The following GAN variants were observed in gnomAD, a reference collection of about 807,000 sequenced individuals.
GAN encodes the protein gigaxonin.
In GAN, 48 loss-of-function variants were observed where a neutral mutation model predicts 71.3. The ratio of observed to expected loss-of-function variants is 0.67; its 90% CI spans 0.53 to 0.86. The LOEUF is 0.86. Among genes scored for constraint, GAN ranks in the 40% least tolerant of loss-of-function variants. The probability of loss-of-function intolerance (pLI) is 0.00; values close to 1 mark genes in which losing one functional copy is unlikely to be tolerated. For missense variants in GAN, 928 were observed against 770.1 expected, an observed-to-expected ratio of 1.21 and a Z score of -2.43; for synonymous variants, 386 against 276.8, an observed-to-expected ratio of 1.39 and a Z score of -3.92.
intron 9 of GAN, among the ~76,000 whole-genome samples, chr16:81,375,021 C>CA (rs1904276517): frequency 6.6e-6 from 1 of 151,992 alleles, no homozygotes; most frequent in Non-Finnish European, 1.5e-5. Flanking sequence ...CAGAAGAGAG[C>CA]ATAGGAGAAA....
At chr16:81,334,816 G>A (rs1221918502) in intron 1 of GAN, among the ~76,000 whole-genome samples, 1 of 152,208 alleles carries the variant, frequency 6.6e-6, no homozygotes, top group Non-Finnish European at 1.5e-5. Context: ...CATGAGAATA[G>A]TCACCAACAT....
intron 9 of GAN, among the ~76,000 whole-genome samples, chr16:81,373,799 A>G (rs1475563048): frequency 2.0e-5 from 3 of 152,200 alleles, no homozygotes; most frequent in African/African-American, 4.8e-5. Context: ...CTGGAGTGCA[A>G]TGGCGCGATC....
chr16:81,329,617 A>G (rs572739851), intron 1 of GAN, among the ~76,000 whole-genome samples: 1 of 152,288 alleles, frequency 6.6e-6, no homozygotes, highest in African/African-American at 2.4e-5. Context: ...TGAAAACTTA[A>G]GTGTTTATCT....
At chr16:81,341,653 C>G (rs1451273045) in intron 1 of GAN, among the ~76,000 whole-genome samples, 2 of 152,204 alleles carry the variant, frequency 1.3e-5, no homozygotes, top group Non-Finnish European at 2.9e-5. Flanking sequence ...TGGATAGGAA[C>G]AACCGGTACC....
chr16:81,330,715 G>A (rs760168353), intron 1 of GAN, among the ~76,000 whole-genome samples: 1 of 152,206 alleles, frequency 6.6e-6, no homozygotes, highest in African/African-American at 2.4e-5. Flanking sequence ...AGGTATTTAT[G>A]TATTCCCAAA....
At chr16:81,376,279 G>C (rs887821232) in intron 9 of GAN, among the ~76,000 whole-genome samples, 2 of 151,834 alleles carry the variant, frequency 1.3e-5, no homozygotes, top group African/African-American at 4.8e-5. Flanking sequence ...GTTCCTGACA[G>C]CCTTATTCAT....
chr16:81,362,700 C>T (rs1292345545), intron 6 of GAN, 89 bp downstream of exon 6: 10 of 805,954 alleles, frequency 1.2e-5, no homozygotes, highest in Admixed American at 5.4e-5. Flanking sequence ...AGGGAAGAAA[C>T]GGCAGCCTTG....
chr16:81,365,289 G>A (rs888624884), intron 8 of GAN, 61 bp from the exon 9 acceptor site: 74 of 1,610,322 alleles, frequency 4.6e-5, no homozygotes, highest in Admixed American at 4.2e-4. Flanking sequence ...TAAGAGGAAC[G>A]CGGGAGTGAG....
intron 1 of GAN, among the ~76,000 whole-genome samples, chr16:81,327,293 G>A (rs1909422260): frequency 6.6e-6 from 1 of 152,146 alleles, no homozygotes; most frequent in African/African-American, 2.4e-5. Context: ...TTATAGCAGT[G>A]GATTATAAAT....
intron 1 of GAN, among the ~76,000 whole-genome samples, chr16:81,320,388 A>T (rs1312228448): frequency 6.6e-6 from 1 of 152,228 alleles, no homozygotes; most frequent in African/African-American, 2.4e-5. Context: ...ATAACTGCAT[A>T]GCCTCTTATT....
rs1255741927 is a variant in GAN, at chr16:81,384,081, C to T, written c.*6485C>T. 2 of 151,836 alleles carry T rather than the reference C, an allele frequency of 1.3e-5. No homozygotes were observed. Among genetic ancestry groups the T allele is most frequent in the African/African-American group, 4.8e-5 (2 of 41,328 alleles). The allele number at this position is 151,836 out of a possible 1,614,324, so 9.4% of individuals were successfully genotyped here. ...GTACTAACTTGCTTTATCATGTTTC[C>T]TGTTTAATTGGATGAGAATTACATG... is the stretch of plus-strand genomic sequence containing the variant. On this transcript the variant is annotated 3_prime_UTR_variant, in exon 11 of 11. Transcript: ENST00000648994.
intron 9 of GAN, among the ~76,000 whole-genome samples, chr16:81,373,869 A>G (rs1471465153): frequency 3.3e-5 from 5 of 152,176 alleles, no homozygotes; most frequent in Non-Finnish European, 7.4e-5. Flanking sequence ...CAGCCTCCCA[A>G]GTAGCTGGGA....
chr16:81,356,707 G>A (rs1910495989), intron 3 of GAN, 78 bp from the exon 4 acceptor site: 1 of 1,002,572 alleles, frequency 1.0e-6, no homozygotes, highest in African/African-American at 1.6e-5. Flanking sequence ...TTTTCCATGA[G>A]GTGGAAAATG....
At chr16:81,369,931 C>A (rs903718948) in intron 9 of GAN, among the ~76,000 whole-genome samples, 3 of 152,216 alleles carry the variant, frequency 2.0e-5, no homozygotes, top group Non-Finnish European at 4.4e-5. Flanking sequence ...GGTGATCATA[C>A]TGATCCCAAA....
intron 5 of GAN, among the ~76,000 whole-genome samples, chr16:81,358,354 C>A (rs1016657640): frequency 1.3e-5 from 2 of 152,096 alleles, no homozygotes; most frequent in Non-Finnish European, 2.9e-5. Flanking sequence ...GTGGCTCACA[C>A]CTGTAATCCC....
chr16:81,335,049 G>T (rs1188229629), intron 1 of GAN, among the ~76,000 whole-genome samples: 1 of 151,108 alleles, frequency 6.6e-6, no homozygotes, highest in Non-Finnish European at 1.5e-5. Flanking sequence ...GGGGTTGGAG[G>T]CTTGTTGTTT....
Position 81,377,672 on chromosome 16 carries a change from G to A in GAN, c.*76G>A, listed in dbSNP as rs1235397976. Reference sequence around the variant, plus strand: ...AGCTCCGAAAGGGAGAGCAGAGATGGCAGCTGAAACTCACTCTGTGCTGGG... The same window carrying A: ...AGCTCCGAAAGGGAGAGCAGAGATGACAGCTGAAACTCACTCTGTGCTGGG... On this transcript the variant is annotated 3_prime_UTR_variant, in exon 11 of 11. Transcript: ENST00000648994. 23 of 1,316,576 alleles carry A rather than the reference G, an allele frequency of 1.7e-5. No individual in the cohort carries two copies. Among genetic ancestry groups the A allele is most frequent in the South Asian group, 8.3e-5 (7 of 84,776 alleles). 81.6% of individuals were successfully genotyped at this position (1,316,576 alleles called of 1,614,324 possible).
At chr16:81,326,543 G>A (rs9934395) in intron 1 of GAN, among the ~76,000 whole-genome samples, 139,967 of 151,554 alleles carry the variant, frequency 0.92, 64,715 homozygotes, top group Middle Eastern at 0.95. Context: ...CAAAAAAAAA[G>A]GATAATTGAG....
chr16:81,366,651 T>C (rs1349989033), intron 9 of GAN, among the ~76,000 whole-genome samples: 5 of 152,184 alleles, frequency 3.3e-5, no homozygotes, highest in Non-Finnish European at 7.4e-5. Flanking sequence ...AAATTTAGGG[T>C]ATTTGCATAG....
Sources: allele counts gnomAD v4.1 joint callset (sites outside exome capture counted in the v4.1 genomes callset), GRCh38; gene constraint gnomAD v4.1.1; transcripts MANE v1.5; gene names NCBI Gene and HGNC (gene_info 2026-07-23, HGNC 2026-07-21).